The following NLGN1 variants were observed in gnomAD, a reference collection of about 807,000 sequenced individuals.
The protein encoded by NLGN1 is neuroligin 1, also known as neuroligin-1.
NLGN1 carries 12 observed loss-of-function variants against 65.5 expected under a neutral mutation model. The observed-to-expected ratio is 0.18, with a 90% CI of 0.12 to 0.30. NLGN1 has a LOEUF of 0.30. Ranked by LOEUF, NLGN1 falls within the 10% of genes least tolerant of loss-of-function variation. The pLI, the probability that NLGN1 is intolerant of heterozygous loss-of-function variation, is 1.00. For missense variants in NLGN1, 750 were observed against 1,007.1 expected (o/e 0.74, Z 3.46); for synonymous variants, 350 against 359.5 (o/e 0.97, Z 0.30).
rs577824011 is a variant in NLGN1, at chr3:173,520,980, C to T, written c.-320-83299C>T. Among the ~76,000 whole-genome samples the T allele has an allele frequency of 1.5e-4, 23 of 152,220 alleles. No homozygotes were observed. In the South Asian group the frequency reaches 4.8e-3, roughly 32 times the overall value. On this transcript the variant is annotated intron_variant, in intron 2 of 6. Coordinates refer to ENST00000457714, the Ensembl canonical transcript of NLGN1. ...ATTGAAGTTAGCAGGCATAATAAGG[C>T]TGGATAGTGTTCAGTGTGTGTGCAA...
At chr3:173,901,907 TCAGACACATTTTGCTTGTCTAAAATA>T (rs1233881161) in intron 4 of NLGN1, among the ~76,000 whole-genome samples, 2 of 152,088 alleles carry the variant, frequency 1.3e-5, no homozygotes, top group Non-Finnish European at 2.9e-5. Context: ...TATTGAGACT[TCAGACACATTTTGCTTGTCTAAAATA>T]CAGCTTTTAT....
chr3:173,478,419 C>T (rs753450522), intron 2 of NLGN1, among the ~76,000 whole-genome samples: 2 of 152,028 alleles, frequency 1.3e-5, no homozygotes, highest in Non-Finnish European at 2.9e-5. Flanking sequence ...GGAGGGAGAG[C>T]ATCAGGATAA....
chr3:173,866,076 C>A (rs1237419893), intron 4 of NLGN1, among the ~76,000 whole-genome samples: 2 of 152,174 alleles, frequency 1.3e-5, no homozygotes, highest in Admixed American at 1.3e-4. Flanking sequence ...ACCACATCTG[C>A]TTCTTTCCCT....
chr3:174,169,089 T>A (rs1219578391), intron 4 of NLGN1, among the ~76,000 whole-genome samples: 4 of 152,126 alleles, frequency 2.6e-5, no homozygotes, highest in African/African-American at 9.7e-5. Context: ...TGCCTGGGCA[T>A]GGAGCAGAGA....
At chr3:173,747,773 C>T in intron 3 of NLGN1, among the ~76,000 whole-genome samples, 1 of 120,150 alleles carries the variant, frequency 8.3e-6, no homozygotes, top group East Asian at 2.6e-4. Flanking sequence ...AGTTTTAAAA[C>T]AAAATTTTCT....
intron 4 of NLGN1, among the ~76,000 whole-genome samples, chr3:174,274,802 T>C (rs2152885338): frequency 6.6e-6 from 1 of 151,698 alleles, no homozygotes; most frequent in African/African-American, 2.4e-5. Flanking sequence ...TCTATATAAT[T>C]TCATGGAGTT....
At chr3:173,658,225 C>G in intron 3 of NLGN1, among the ~76,000 whole-genome samples, 1 of 151,982 alleles carries the variant, frequency 6.6e-6, no homozygotes. Flanking sequence ...AGATAGATGT[C>G]CTAACTACTT....
intron 4 of NLGN1, among the ~76,000 whole-genome samples, chr3:174,124,490 C>A (rs1239259361): frequency 6.7e-6 from 1 of 148,568 alleles, no homozygotes; most frequent in Non-Finnish European, 1.5e-5. Context: ...TGTATATACA[C>A]ATATATGTGT....
chr3:173,857,620 G>T (rs1466234548), intron 4 of NLGN1, among the ~76,000 whole-genome samples: 2 of 151,900 alleles, frequency 1.3e-5, no homozygotes, highest in Non-Finnish European at 2.9e-5. Context: ...GTTGCCTCCT[G>T]GATTGCGAAA....
At chr3:173,638,978 G>T (rs778826212) in intron 3 of NLGN1, among the ~76,000 whole-genome samples, 3 of 152,208 alleles carry the variant, frequency 2.0e-5, no homozygotes, top group Non-Finnish European at 4.4e-5. Flanking sequence ...CAAGAGAAGT[G>T]ATTGTTCTGC....
At position 173,544,701 on chromosome 3, in the gene NLGN1, G is replaced by C. The variant is rs528117415; in HGVS notation, c.-320-59578G>C. On this transcript the variant is annotated intron_variant, in intron 2 of 6. Transcript: ENST00000457714. The stretch of plus-strand genomic sequence containing the variant: ...ATAAGTTAAAAAAAGATTTGGCCTA[G>C]ATATACAGATTTGGAATTTTCAGTA... Among the ~76,000 whole-genome samples, 3 of 152,218 alleles carry C rather than the reference G, an allele frequency of 2.0e-5. No individual in the cohort carries two copies. In the East Asian group the frequency reaches 5.8e-4, roughly 29 times the overall value.
At chr3:173,884,072 G>A (rs1473821265) in intron 4 of NLGN1, among the ~76,000 whole-genome samples, 1 of 150,972 alleles carries the variant, frequency 6.6e-6, no homozygotes, top group African/African-American at 2.4e-5. Context: ...TTAATCGAAA[G>A]AATCATTAGC....
chr3:174,219,946 C>T (rs1391947261), intron 4 of NLGN1, among the ~76,000 whole-genome samples: 1 of 151,980 alleles, frequency 6.6e-6, no homozygotes, highest in Non-Finnish European at 1.5e-5. Context: ...AGGTGTCAGA[C>T]AGAGAGAAGC....
At chr3:173,790,543 C>T (rs564560446) in intron 3 of NLGN1, among the ~76,000 whole-genome samples, 6 of 152,058 alleles carry the variant, frequency 3.9e-5, no homozygotes, top group Non-Finnish European at 7.4e-5. Context: ...TTCTGATTTA[C>T]GTTTAAAGAA....
At chr3:174,070,542 G>A (rs1739600521) in intron 4 of NLGN1, among the ~76,000 whole-genome samples, 2 of 151,968 alleles carry the variant, frequency 1.3e-5, no homozygotes, top group Admixed American at 1.3e-4. Flanking sequence ...ATATTGGCCA[G>A]GCTGGTCTTG....
upstream of NLGN1, among the ~76,000 whole-genome samples, chr3:173,396,060 TGGCGGCGGC>T (rs879786935): frequency 2.3e-4 from 35 of 151,574 alleles, no homozygotes; most frequent in Non-Finnish European, 2.5e-4. Context: ...CAGGTAGCAG[TGGCGGCGGC>T]GGCGGCGGCG....
chr3:173,544,259 CGTGTGT>C lies in NLGN1; in HGVS notation c.-320-59992_-320-59987del, dbSNP rs3980148. Among the ~76,000 whole-genome samples the C allele has an allele frequency of 2.1e-3, 304 of 144,226 alleles. 1 individual carries two copies. Among genetic ancestry groups the C allele is most frequent in the African/African-American group, 7.3e-3 (281 of 38,330 alleles). 94.6% of individuals were successfully genotyped at this position (144,226 alleles called of 152,430 possible). A position where few individuals can be genotyped will look rare whatever the true frequency, so the allele number is the denominator to read the frequency against. On this transcript the variant is annotated intron_variant, in intron 2 of 6. Transcript: ENST00000457714. Reference sequence around the variant, plus strand: ...GTAGTAAAGTACCAAGATTATATTACGTGTGTGTGTGTGTGTGTGTGTGTGTGTGTG... The same window carrying C: ...GTAGTAAAGTACCAAGATTATATTACGTGTGTGTGTGTGTGTGTGTGTGTG...
chr3:174,122,866 A>C (rs1157030338), intron 4 of NLGN1, among the ~76,000 whole-genome samples: 1 of 152,080 alleles, frequency 6.6e-6, no homozygotes, highest in East Asian at 1.9e-4. Context: ...ACATGTACAA[A>C]GTCAATTTGT....
chr3:173,799,199 G>A (rs1169060018), intron 3 of NLGN1, among the ~76,000 whole-genome samples: 1 of 151,784 alleles, frequency 6.6e-6, no homozygotes, highest in African/African-American at 2.4e-5. Flanking sequence ...CTTTTAACTT[G>A]AGTGTCGTGT....
Sources: allele counts gnomAD v4.1 joint callset (sites outside exome capture counted in the v4.1 genomes callset), GRCh38; gene constraint gnomAD v4.1.1; transcripts MANE v1.5; gene names NCBI Gene and HGNC (gene_info 2026-07-23, HGNC 2026-07-21).